ROCK1: variants seen among roughly 807,000 people sequenced by gnomAD.
ROCK1 encodes the protein Rho associated coiled-coil containing protein kinase 1.
Under a neutral mutation model 196.8 loss-of-function variants are expected in ROCK1, and 36 were observed. The ratio of observed to expected loss-of-function variants is 0.18; its 90% confidence interval spans 0.14 to 0.24. The LOEUF is 0.24. ROCK1 is among the 10% of genes least tolerant of loss of function. The pLI is 1.00. For synonymous variants in ROCK1, 443 were observed against 515.9 expected (o/e 0.86, Z 1.91); for missense variants, 920 against 1,562.0 (o/e 0.59, Z 6.93).
intron 1 of ROCK1, among the ~76,000 whole-genome samples, 162 bp downstream of exon 1, chr18:21,110,656 A>G (rs138270755): frequency 1.3e-5 from 2 of 152,310 alleles, no homozygotes; most frequent in East Asian, 3.9e-4. Context: ...GGACCACACC[A>G]TGAGATGTTA....
chr18:21,068,652 T>C (rs1225956650), intron 2 of ROCK1, among the ~76,000 whole-genome samples: 1 of 152,204 alleles, frequency 6.6e-6, no homozygotes, highest in Non-Finnish European at 1.5e-5. Flanking sequence ...CAATGCTGTA[T>C]AGTTTTCAGT....
intron 22 of ROCK1, among the ~76,000 whole-genome samples, chr18:20,975,434 C>G (rs2035471224): frequency 6.6e-6 from 1 of 152,090 alleles, no homozygotes; most frequent in Non-Finnish European, 1.5e-5. Context: ...TACTCTGTCT[C>G]TTGTTTTACC....
chr18:21,076,679 AC>A (rs2036434457), intron 1 of ROCK1, among the ~76,000 whole-genome samples: 1 of 148,056 alleles, frequency 6.8e-6, no homozygotes, highest in African/African-American at 2.6e-5. Context: ...ACATACACAC[AC>A]ACACACACAC....
chr18:20,975,739 T>C (rs952867221), intron 22 of ROCK1, among the ~76,000 whole-genome samples: 2 of 152,010 alleles, frequency 1.3e-5, no homozygotes, highest in Non-Finnish European at 2.9e-5. Context: ...GCCTCCCGAG[T>C]AGCTGGGACT....
chr18:20,985,857 G>GT (rs1264806587), intron 19 of ROCK1, among the ~76,000 whole-genome samples: 1 of 151,978 alleles, frequency 6.6e-6, no homozygotes, highest in Non-Finnish European at 1.5e-5. Flanking sequence ...TCCCATGCAA[G>GT]TTTTATTTTT....
At chr18:20,957,806 TAAAAAAAAAAA>T in intron 29 of ROCK1, among the ~76,000 whole-genome samples, 1 of 134,634 alleles carries the variant, frequency 7.4e-6, no homozygotes, top group South Asian at 2.4e-4. Flanking sequence ...CTTCATAAAT[TAAAAAAAAAAA>T]AAAAAATTCT....
At chr18:20,959,079 T>TTATATATA (rs2035289096) in intron 29 of ROCK1, among the ~76,000 whole-genome samples, 6 of 33,340 alleles carry the variant, frequency 1.8e-4, no homozygotes, top group African/African-American at 1.3e-3. Context: ...TTATATAATA[T>TTATATATA]ATATATTTTA....
intron 1 of ROCK1, among the ~76,000 whole-genome samples, chr18:21,087,974 C>A (rs2143579896): frequency 6.6e-6 from 1 of 152,152 alleles, no homozygotes. Context: ...TGTTCTTTGA[C>A]CAAAATGTAC....
Position 21,107,312 on chromosome 18 carries a change from A to G in ROCK1, c.93+3506T>C, listed in dbSNP as rs532305299. 7.9e-5 allele frequency among the ~76,000 whole-genome samples: 12 copies of G among 152,332 alleles called. No individual in the cohort carries two copies. The East Asian group carries it at 1.5e-3, about 20-fold the overall frequency. Reference sequence around the variant, plus strand: ...AGTAGGTAAGGTAGTTTAAAAGGACATACACCAGCAAATTTCTGAAACCAA... The same window carrying G: ...AGTAGGTAAGGTAGTTTAAAAGGACGTACACCAGCAAATTTCTGAAACCAA... On this transcript the variant is annotated intron_variant, in intron 1 of 32. Transcript: ENST00000399799.
intron 6 of ROCK1, among the ~76,000 whole-genome samples, chr18:21,043,573 A>AT (rs1568392722): frequency 6.9e-6 from 1 of 144,640 alleles, no homozygotes; most frequent in African/African-American, 2.6e-5. Context: ...ACATATACAT[A>AT]ATGTATATGT....
At chr18:20,955,502 CAT>C (rs1248872174) in intron 29 of ROCK1, 3 of 318,064 alleles carry the variant, frequency 9.4e-6, no homozygotes, top group African/African-American at 2.2e-5. Flanking sequence ...CTGATGGAAA[CAT>C]AAAATTACAC....
At chr18:21,029,987 AC>A (rs2035992589) in intron 9 of ROCK1, among the ~76,000 whole-genome samples, 1 of 152,112 alleles carries the variant, frequency 6.6e-6, no homozygotes, top group African/African-American at 2.4e-5. Flanking sequence ...GGCAAGAAAT[AC>A]CTATTCTTGT....
In ROCK1 at chr18:21,077,016, G is replaced by A. The variant is rs552550387; in HGVS notation, c.94-6403C>T. Among the ~76,000 whole-genome samples, 132 of 138,280 alleles carry A rather than the reference G, an allele frequency of 9.5e-4. 2 individuals are homozygous for A. The highest frequency in any genetic ancestry group is 1.5e-4 in the Non-Finnish European group (10 of 65,714). The allele number at this position is 138,280 out of a possible 152,430, so 90.7% of individuals were successfully genotyped here. A position where few individuals can be genotyped will look rare whatever the true frequency, so the allele number is the denominator to read the frequency against. On this transcript the variant is annotated intron_variant, in intron 1 of 32. Coordinates refer to ENST00000399799, the MANE Select transcript of ROCK1 (RefSeq NM_005406.3). ...GAGTCTCGCTCTGTCGCCCAGGCCGGACTGCGGACTGCAGTGGCGCAATCT... is the reference window on the plus strand; with the variant it reads ...GAGTCTCGCTCTGTCGCCCAGGCCGAACTGCGGACTGCAGTGGCGCAATCT...
intron 2 of ROCK1, among the ~76,000 whole-genome samples, chr18:21,050,867 T>C (rs1038384901): frequency 2.4e-4 from 36 of 152,180 alleles, no homozygotes; most frequent in Middle Eastern, 3.2e-3. Context: ...TGCACAAATA[T>C]TTCTATCTAC....
chr18:21,026,443 TCG>T (rs2035956917), intron 10 of ROCK1, among the ~76,000 whole-genome samples: 1 of 86,480 alleles, frequency 1.2e-5, no homozygotes, highest in Admixed American at 1.6e-4. Flanking sequence ...AAACTCTGTC[TCG>T]AAAAAAAAAA....
intron 1 of ROCK1, among the ~76,000 whole-genome samples, chr18:21,082,344 C>A (rs2036489410): frequency 6.6e-6 from 1 of 152,088 alleles, no homozygotes; most frequent in Non-Finnish European, 1.5e-5. Context: ...ATGAGTGCAG[C>A]ACTGCCCTGA....
At chr18:21,009,719 T>C (rs1361046733) in intron 13 of ROCK1, among the ~76,000 whole-genome samples, 1 of 152,210 alleles carries the variant, frequency 6.6e-6, no homozygotes, top group Admixed American at 6.5e-5. Context: ...CAGTTTGCTA[T>C]TGACATAATT....
At chr18:21,088,815 G>A (rs1291662343) in intron 1 of ROCK1, among the ~76,000 whole-genome samples, 1 of 152,020 alleles carries the variant, frequency 6.6e-6, no homozygotes, top group Non-Finnish European at 1.5e-5. Flanking sequence ...CTCCCTTCTG[G>A]AGGATGCAGC....
intron 2 of ROCK1, among the ~76,000 whole-genome samples, chr18:21,064,724 C>A (rs1156628084): frequency 6.6e-6 from 1 of 152,004 alleles, no homozygotes; most frequent in African/African-American, 2.4e-5. Context: ...TGTATTTATC[C>A]CTGGATATGT....
Sources: allele counts gnomAD v4.1 joint callset (sites outside exome capture counted in the v4.1 genomes callset), GRCh38; gene constraint gnomAD v4.1.1; transcripts MANE v1.5; gene names NCBI Gene and HGNC (gene_info 2026-07-23, HGNC 2026-07-21).